Variants in COG5 observed in about 807,000 individuals in gnomAD.
The protein encoded by COG5 is conserved oligomeric Golgi complex subunit 5.
Under a neutral mutation model 110.4 loss-of-function variants are expected in COG5, and 86 were observed. The observed-to-expected ratio is 0.78, with a 90% CI of 0.65 to 0.93. The LOEUF (loss-of-function observed/expected upper bound fraction) is 0.93. Among genes scored for constraint, COG5 ranks in the 40% least tolerant of loss-of-function variants. COG5 has a pLI of 0.00. For synonymous variants in COG5, 360 were observed against 334.6 expected (o/e 1.08, Z -0.83); for missense variants, 1,077 against 987.0 (o/e 1.09, Z -1.22).
intron 7 of COG5, among the ~76,000 whole-genome samples, chr7:107,398,260 A>G (rs1467180705): frequency 6.6e-6 from 1 of 152,234 alleles, no homozygotes. Flanking sequence ...ATAGAACTGA[A>G]TATTATTCAT....
At chr7:107,259,751 T>C (rs1455951276) in intron 14 of COG5, among the ~76,000 whole-genome samples, 2 of 152,174 alleles carry the variant, frequency 1.3e-5, no homozygotes, top group East Asian at 1.9e-4. Flanking sequence ...AGAATTTTTA[T>C]GTTATTTTAT....
intron 6 of COG5, among the ~76,000 whole-genome samples, chr7:107,498,402 C>T (rs546522964): frequency 1.3e-5 from 2 of 152,090 alleles, no homozygotes; most frequent in East Asian, 1.9e-4. Flanking sequence ...ATTTCCAAAA[C>T]GTATAAGGGA....
intron 3 of COG5, among the ~76,000 whole-genome samples, chr7:107,550,365 C>A (rs183704138): frequency 1.3e-5 from 2 of 152,302 alleles, no homozygotes; most frequent in African/African-American, 4.8e-5. Context: ...GTAAACTATT[C>A]CGAGTATTAA....
chr7:107,534,322 A>G (rs1801422685), intron 5 of COG5, among the ~76,000 whole-genome samples: 2 of 151,664 alleles, frequency 1.3e-5, no homozygotes, highest in African/African-American at 2.4e-5. Flanking sequence ...AACAATATTA[A>G]TCCTAAATTT....
intron 12 of COG5, among the ~76,000 whole-genome samples, 199 bp from the exon 13 acceptor site, chr7:107,283,931 C>CTTTTTTTTTTCTTT (rs1805406275): frequency 7.0e-6 from 1 of 142,636 alleles, no homozygotes; most frequent in Admixed American, 7.2e-5. Context: ...CCATAGTAAC[C>CTTTTTTTTTTCTTT]TTTTTTTTTT....
chr7:107,331,929 C>T (rs550153265), intron 10 of COG5, among the ~76,000 whole-genome samples: 24 of 151,142 alleles, frequency 1.6e-4, no homozygotes, highest in African/African-American at 5.8e-4. Flanking sequence ...GCAGCCTCTG[C>T]CTCCAGGGTC....
intron 10 of COG5, among the ~76,000 whole-genome samples, chr7:107,342,990 AG>A (rs1454615366): frequency 1.3e-5 from 2 of 152,232 alleles, no homozygotes; most frequent in Non-Finnish European, 2.9e-5. Flanking sequence ...ATAGTAGATT[AG>A]ATAACAAAAA....
intron 12 of COG5, among the ~76,000 whole-genome samples, chr7:107,286,076 T>C (rs1401120074): frequency 2.0e-5 from 3 of 152,108 alleles, no homozygotes; most frequent in Admixed American, 6.5e-5. Flanking sequence ...GAAGGCTTAC[T>C]GAGGGGCCCT....
intron 14 of COG5, among the ~76,000 whole-genome samples, chr7:107,267,165 T>C (rs1480997728): frequency 2.0e-5 from 3 of 152,202 alleles, no homozygotes; most frequent in African/African-American, 7.2e-5. Flanking sequence ...CAAAACTCTG[T>C]TGCTCAAATA....
At chr7:107,511,511 T>G (rs1047386693) in intron 6 of COG5, among the ~76,000 whole-genome samples, 1 of 152,140 alleles carries the variant, frequency 6.6e-6, no homozygotes, top group Admixed American at 6.5e-5. Context: ...TTCCAATCAA[T>G]AGAAAAAGAG....
chr7:107,225,651 C>A (rs1278988578), intron 19 of COG5, among the ~76,000 whole-genome samples: 1 of 152,130 alleles, frequency 6.6e-6, no homozygotes, highest in Admixed American at 6.5e-5. Context: ...TAGCTGGGAC[C>A]ACAGATGTGC....
intron 6 of COG5, among the ~76,000 whole-genome samples, chr7:107,498,119 C>T (rs894432958): frequency 1.3e-5 from 2 of 152,120 alleles, no homozygotes; most frequent in Non-Finnish European, 2.9e-5. Flanking sequence ...TTACACCATA[C>T]ACAAAAATCA....
At chr7:107,455,592 A>C (rs956427873) in intron 6 of COG5, among the ~76,000 whole-genome samples, 1 of 152,188 alleles carries the variant, frequency 6.6e-6, no homozygotes, top group African/African-American at 2.4e-5. Context: ...TAAAATATTT[A>C]TTATCTGGCC....
chr7:107,463,973 T>C (rs942650171), intron 6 of COG5, among the ~76,000 whole-genome samples: 1 of 152,056 alleles, frequency 6.6e-6, no homozygotes, highest in African/African-American at 2.4e-5. Context: ...CAGGACCACG[T>C]AGGATGGCGA....
intron 1 of COG5, among the ~76,000 whole-genome samples, chr7:107,560,166 T>A (rs1170051288): frequency 6.6e-6 from 1 of 152,202 alleles, no homozygotes; most frequent in Non-Finnish European, 1.5e-5. Flanking sequence ...CACACAGATA[T>A]CTTAAAATCT....
rs117647436 is a variant in COG5 at position 107,519,043 on chromosome 7, A to G, written c.538+8194T>C. Among the ~76,000 whole-genome samples the G allele has an allele frequency of 6.9e-3, 1,045 of 152,330 alleles. 8 individuals are homozygous for G. Among genetic ancestry groups the G allele is most frequent in the Middle Eastern group, 0.014 (4 of 294 alleles). ...ATGGAAATTGAACAACCGCTCCTAA[A>G]TGACTCCTGGGTAAATAACAAAATT... is the stretch of plus-strand genomic sequence containing the variant. On this transcript the variant is annotated intron_variant, in intron 6 of 21. Transcript: ENST00000297135.
chr7:107,468,547 A>C (rs962219713), intron 6 of COG5, among the ~76,000 whole-genome samples: 8 of 152,074 alleles, frequency 5.3e-5, no homozygotes, highest in African/African-American at 1.9e-4. Flanking sequence ...TCATTTTTAG[A>C]ATTACCAAAG....
chr7:107,447,699 G>A (rs1301659420), intron 6 of COG5, among the ~76,000 whole-genome samples: 2 of 152,066 alleles, frequency 1.3e-5, no homozygotes, highest in African/African-American at 4.8e-5. Flanking sequence ...CCAGGTCATT[G>A]GTAGTTTAGA....
At chr7:107,528,117 G>T (rs1211631239) in intron 5 of COG5, among the ~76,000 whole-genome samples, 6 of 150,548 alleles carry the variant, frequency 4.0e-5, no homozygotes, top group Non-Finnish European at 5.9e-5. Flanking sequence ...TTGAGAACAG[G>T]GTCTCGCTCA....
Sources: gnomAD v4.1 joint callset for allele counts (sites outside exome capture counted in the v4.1 genomes callset) on GRCh38, gnomAD v4.1.1 for gene constraint, MANE v1.5 for transcripts, NCBI Gene and HGNC (gene_info 2026-07-23, HGNC 2026-07-21) for gene names.